CAMK2B: variants seen among roughly 807,000 people sequenced by gnomAD.
CAMK2B encodes the protein calcium/calmodulin-dependent protein kinase type II subunit beta.
CAMK2B carries 27 observed loss-of-function variants against 93.7 expected under a neutral mutation model. The observed-to-expected ratio is 0.29, with a 90% CI of 0.21 to 0.40. CAMK2B has a LOEUF of 0.40. CAMK2B is among the 10% of genes least tolerant of loss of function. The pLI is 1.00. For missense variants in CAMK2B, 568 were observed against 895.8 expected, an observed-to-expected ratio of 0.63 and a Z score of 4.67; for synonymous variants, 374 against 358.8, an observed-to-expected ratio of 1.04 and a Z score of -0.48.
chr7:44,262,017 G>C (rs1033211873), intron 3 of CAMK2B, among the ~76,000 whole-genome samples: 1 of 152,220 alleles, frequency 6.6e-6, no homozygotes, highest in African/African-American at 2.4e-5. Context: ...TCCATGCTGG[G>C]GTCCTGCTGG....
intron 4 of CAMK2B, among the ~76,000 whole-genome samples, chr7:44,256,517 G>A (rs1401700321): frequency 1.3e-5 from 2 of 152,220 alleles, no homozygotes; most frequent in Non-Finnish European, 2.9e-5. Context: ...ATGTGTGCAT[G>A]TTTGTACATA....
In CAMK2B at chr7:44,284,201, G is replaced by A. The variant is rs780149305; in HGVS notation, c.90C>T (p.Arg30=). ...CATGGCCGGTGCAGAGCTTGACACA[G>A]CGTCGGACCACAGAGAAAGCCCCCC... is the stretch of plus-strand genomic sequence containing the variant. ...IGKGAFSVVR[R]CVKLCTGHEY... is the part of the protein sequence containing the mutation. Residue 30 remains arginine, a synonymous_variant, in exon 2 of 24, where the codon CGC becomes CGT. Coordinates refer to ENST00000395749, the MANE Select transcript of CAMK2B (RefSeq NM_001220.5). 1.7e-5 allele frequency: 28 copies of A among 1,613,438 alleles called. No individual in the cohort carries two copies. Among genetic ancestry groups the A allele is most frequent in the Non-Finnish European group, 2.3e-5 (27 of 1,179,812 alleles).
chr7:44,268,443 G>C lies in CAMK2B; in HGVS notation c.161-5379C>G, dbSNP rs925285811. The stretch of plus-strand genomic sequence containing the variant: ...CGCCAGTACCAGGAGGGGCTCAAGG[G>C]CCCAGGTGACAAGGTTCCCCTCCTC... On this transcript the variant is annotated intron_variant, in intron 2 of 23. Coordinates refer to ENST00000395749, the MANE Select transcript of CAMK2B (RefSeq NM_001220.5). 3 of 152,394 alleles carry C rather than the reference G, an allele frequency of 2.0e-5. No homozygotes were observed. In the East Asian group the frequency reaches 5.8e-4, roughly 29 times the overall value. The allele number at this position is 152,394 out of a possible 1,614,324, so 9.4% of individuals were successfully genotyped here.
rs1784415911 is a variant in CAMK2B, at chr7:44,284,030, C to G, written c.160+101G>C. The G allele has an allele frequency of 3.6e-6, 3 of 831,412 alleles. No homozygotes were observed. In the East Asian group the frequency reaches 7.7e-5, roughly 21 times the overall value. The allele number at this position is 831,412 out of a possible 1,614,324, so 51.5% of individuals were successfully genotyped here. A position where few individuals can be genotyped will look rare whatever the true frequency, so the allele number is the denominator to read the frequency against. ...ACAGGCAGGGTGGGCCAAGTGCTGG[C>G]CAAGACTGGGAGGGGCCTGCTGCCC... On this transcript the variant is annotated intron_variant, in intron 2 of 23. Coordinates refer to ENST00000395749, the MANE Select transcript of CAMK2B (RefSeq NM_001220.5).
intron 5 of CAMK2B, among the ~76,000 whole-genome samples, chr7:44,254,130 C>T (rs1288222303): frequency 6.6e-6 from 1 of 152,138 alleles, no homozygotes; most frequent in Non-Finnish European, 1.5e-5. Flanking sequence ...CATCTGCCAT[C>T]CCTCAATCTG....
chr7:44,267,524 C>T (rs964020951), intron 2 of CAMK2B, among the ~76,000 whole-genome samples: 10 of 152,174 alleles, frequency 6.6e-5, no homozygotes, highest in South Asian at 2.1e-4. Flanking sequence ...GCACCCTAAA[C>T]GGAGGCAAGG....
intron 6 of CAMK2B, 112 bp downstream of exon 6, chr7:44,247,008 C>T (rs1050419281): frequency 4.6e-5 from 36 of 791,194 alleles, no homozygotes; most frequent in Non-Finnish European, 6.4e-5. Flanking sequence ...ACATACACCT[C>T]ACCCCTCCAA....
intron 1 of CAMK2B, among the ~76,000 whole-genome samples, chr7:44,308,345 G>A (rs1159424097): frequency 6.6e-6 from 1 of 152,192 alleles, no homozygotes; most frequent in South Asian, 2.1e-4. Flanking sequence ...CAGATAGGAA[G>A]GCCCAGGTGG....
chr7:44,301,360 C>A (rs1789967957), intron 1 of CAMK2B, among the ~76,000 whole-genome samples: 1 of 152,184 alleles, frequency 6.6e-6, no homozygotes, highest in South Asian at 2.1e-4. Flanking sequence ...CAGTCTTGAA[C>A]TCCTGTCCTC....
chr7:44,288,931 C>A (rs573404315), intron 1 of CAMK2B, among the ~76,000 whole-genome samples: 2 of 152,082 alleles, frequency 1.3e-5, no homozygotes, highest in Non-Finnish European at 2.9e-5. Context: ...CCAGGGCAGT[C>A]GGTGTTTCAC....
At position 44,217,232 on chromosome 7, in the gene CAMK2B, A is replaced by G. The variant is rs1282367576; in HGVS notation, c.*2293T>C. On this transcript the variant is annotated 3_prime_UTR_variant, in exon 24 of 24. Transcript: ENST00000395749. ...TAATTTTTGTACACTTACAAGGCTCAGAAAGAAAAGACAATGAAACTCAGC... is the reference window on the plus strand; with the variant it reads ...TAATTTTTGTACACTTACAAGGCTCGGAAAGAAAAGACAATGAAACTCAGC... The G allele has an allele frequency of 1.3e-5, 2 of 152,662 alleles. No individual in the cohort carries two copies. The highest frequency in any genetic ancestry group is 6.5e-5 in the Admixed American group (1 of 15,288). 9.5% of individuals were successfully genotyped at this position (152,662 alleles called of 1,614,324 possible).
chr7:44,220,549 T>A lies in CAMK2B; in HGVS notation c.1768+67A>T, dbSNP rs1453049380. On this transcript the variant is annotated intron_variant, in intron 22 of 23. Coordinates refer to ENST00000395749, the MANE Select transcript of CAMK2B (RefSeq NM_001220.5). The stretch of plus-strand genomic sequence containing the variant: ...CCATAGGCAGCCACCATGCTGTCCC[T>A]GGGAGGGGCCGAGAGGCTCTCCTGG... 3 of 1,379,142 alleles carry A rather than the reference T, an allele frequency of 2.2e-6. No individual in the cohort carries two copies. In the Admixed American group the frequency reaches 5.8e-5, roughly 27 times the overall value. The allele number at this position is 1,379,142 out of a possible 1,614,324, so 85.4% of individuals were successfully genotyped here. A position where few individuals can be genotyped will look rare whatever the true frequency, so the allele number is the denominator to read the frequency against.
chr7:44,242,747 G>T, intron 8 of CAMK2B, 93 bp from the exon 9 acceptor site: 1 of 874,434 alleles, frequency 1.1e-6, no homozygotes, highest in South Asian at 1.5e-5. Context: ...AGCTCCTGTG[G>T]CCCTGGGAGG....
intron 6 of CAMK2B, 28 bp from the exon 7 acceptor site, chr7:44,243,555 G>C: frequency 6.3e-7 from 1 of 1,590,260 alleles, no homozygotes; most frequent in African/African-American, 1.3e-5. Flanking sequence ...GCACAAGGGT[G>C]CATGTTGTTT....
At chr7:44,228,418 CT>C (rs890866066) in intron 19 of CAMK2B, among the ~76,000 whole-genome samples, 3 of 152,064 alleles carry the variant, frequency 2.0e-5, no homozygotes, top group Non-Finnish European at 4.4e-5. Flanking sequence ...GGCAGGGCCC[CT>C]GGGTGGGTGT....
At chr7:44,300,058 GTA>G (rs1491053668) in intron 1 of CAMK2B, among the ~76,000 whole-genome samples, 3 of 149,514 alleles carry the variant, frequency 2.0e-5, no homozygotes, top group East Asian at 2.0e-4. Flanking sequence ...GTGTGTGTGT[GTA>G]TGTAGTTGTT....
At chr7:44,301,757 C>G (rs1790107415) in intron 1 of CAMK2B, among the ~76,000 whole-genome samples, 1 of 151,046 alleles carries the variant, frequency 6.6e-6, no homozygotes, top group Non-Finnish European at 1.5e-5. Context: ...AGCCTGGTGA[C>G]AGAGCAAGAC....
intron 2 of CAMK2B, among the ~76,000 whole-genome samples, chr7:44,273,327 T>C (rs7457796): frequency 0.33 from 50,931 of 152,066 alleles, 8,859 homozygotes; most frequent in Non-Finnish European, 0.39. Flanking sequence ...CAATAAAATG[T>C]CATCCACTCA....
At chr7:44,320,200 C>T (rs1013110643) in intron 1 of CAMK2B, among the ~76,000 whole-genome samples, 17 of 152,018 alleles carry the variant, frequency 1.1e-4, no homozygotes, top group Non-Finnish European at 7.4e-5. Flanking sequence ...TCTTTGATGA[C>T]GAAACGAAGT....
Sources: gnomAD v4.1 joint callset for allele counts (sites outside exome capture counted in the v4.1 genomes callset) on GRCh38, gnomAD v4.1.1 for gene constraint, MANE v1.5 for transcripts, NCBI Gene and HGNC (gene_info 2026-07-23, HGNC 2026-07-21) for gene names.